Variants in COL4A3 observed in about 807,000 individuals in gnomAD.
COL4A3 encodes the protein collagen type IV alpha 3 chain.
COL4A3 carries 135 observed loss-of-function variants against 217.4 expected under a neutral mutation model. That is an observed-to-expected ratio of 0.62 (90% confidence interval 0.54 to 0.72). The LOEUF is 0.72. Among genes scored for constraint, COL4A3 ranks in the 30% least tolerant of loss-of-function variants. COL4A3 has a pLI of 0.00. For synonymous variants in COL4A3, 690 were observed against 736.3 expected (o/e 0.94, Z 1.02); for missense variants, 1,868 against 2,119.9 (o/e 0.88, Z 2.33).
At chr2:227,243,393 T>G (rs928421281) in intron 3 of COL4A3, among the ~76,000 whole-genome samples, 1 of 152,230 alleles carries the variant, frequency 6.6e-6, no homozygotes, top group Non-Finnish European at 1.5e-5. Context: ...TAATTTTAAA[T>G]GTTTTCTGCA....
At chr2:227,280,410 T>A (rs750053478) in intron 29 of COL4A3, 30 bp from the exon 30 acceptor site, 1 of 1,612,484 alleles carries the variant, frequency 6.2e-7, no homozygotes, top group Non-Finnish European at 8.5e-7. Context: ...GGAAGCACTA[T>A]ATAGTAATAA....
At position 227,307,695 on chromosome 2, in the gene COL4A3, A is replaced by G. The variant is rs1559922062; in HGVS notation, c.4253-15A>G. ...TTTTGTGTATGTTGCAACATTTAGA[A>G]TGTGTTTTTTGAAGGACCAGCTGGA... On this transcript the variant is annotated splice_polypyrimidine_tract_variant and intron_variant, in intron 47 of 51. Transcript: ENST00000396578. 1 of 1,611,520 alleles carries G rather than the reference A, an allele frequency of 6.2e-7. No homozygotes were observed. The highest frequency in any genetic ancestry group is 8.5e-7 in the Non-Finnish European group (1 of 1,177,598).
chr2:227,278,350 CT>C (rs150247927), intron 28 of COL4A3, among the ~76,000 whole-genome samples: 8,886 of 152,108 alleles, frequency 0.058, 654 homozygotes, highest in African/African-American at 0.17. Flanking sequence ...TATGAGTAAC[CT>C]GAGTCCCTGG....
intron 1 of COL4A3, among the ~76,000 whole-genome samples, chr2:227,192,442 C>CCCAG (rs145103614): frequency 0.93 from 140,845 of 152,204 alleles, 65,410 homozygotes; most frequent in East Asian, 1. Flanking sequence ...GAAAACCAAC[C>CCCAG]TTTTCATCTC....
intron 38 of COL4A3, chr2:227,293,639 A>ACAGACTAGGTGAAT: frequency 2.1e-6 from 1 of 469,540 alleles, no homozygotes; most frequent in South Asian, 1.7e-5. Flanking sequence ...CCAGGCTTCC[A>ACAGACTAGGTGAAT]TAGTGAATTC....
At chr2:227,308,870 A>C in intron 48 of COL4A3, 29 bp from the exon 49 acceptor site, 1 of 1,609,290 alleles carries the variant, frequency 6.2e-7, no homozygotes, top group Non-Finnish European at 8.5e-7. Context: ...AACTTACTGA[A>C]AGTGATACTC....
chr2:227,237,840 G>A, intron 1 of COL4A3, 128 bp from the exon 2 acceptor site: 1 of 731,506 alleles, frequency 1.4e-6, no homozygotes, highest in East Asian at 2.7e-5. Flanking sequence ...ATTGCTACAA[G>A]GTCACCTGGC....
At chr2:227,230,387 T>A (rs2068337128) in intron 1 of COL4A3, among the ~76,000 whole-genome samples, 1 of 152,214 alleles carries the variant, frequency 6.6e-6, no homozygotes, top group African/African-American at 2.4e-5. Flanking sequence ...GAGCTTTCTG[T>A]TCATGACAAA....
intron 1 of COL4A3, among the ~76,000 whole-genome samples, chr2:227,194,821 A>C (rs1420826031): frequency 6.6e-6 from 1 of 152,186 alleles, no homozygotes; most frequent in Non-Finnish European, 1.5e-5. Flanking sequence ...TAGCTCTTCT[A>C]ATCAAAGAAA....
chr2:227,251,649 A>T (rs1480415918), intron 11 of COL4A3, among the ~76,000 whole-genome samples: 1 of 152,206 alleles, frequency 6.6e-6, no homozygotes, highest in Admixed American at 6.5e-5. Context: ...ATTTCTGATC[A>T]TCTCACACAG....
chr2:227,263,986 A>G (rs1269638297), intron 21 of COL4A3, 42 bp downstream of exon 21: 1 of 1,612,436 alleles, frequency 6.2e-7, no homozygotes, highest in Non-Finnish European at 8.5e-7. Flanking sequence ...ACAGTGCCAA[A>G]TGACAGATGT....
At chr2:227,294,466 TC>T in intron 38 of COL4A3, 23 bp from the exon 39 acceptor site, 1 of 1,470,160 alleles carries the variant, frequency 6.8e-7, no homozygotes, top group Non-Finnish European at 9.5e-7. Context: ...TCTTTTTTCT[TC>T]CTTCCCCTCT....
In COL4A3 at chr2:227,270,920, G is replaced by A. The variant is rs752539537; in HGVS notation, c.1726G>A (p.Val576Met). 3.1e-6 allele frequency: 5 copies of A among 1,614,148 alleles called. No individual in the cohort carries two copies. The South Asian group carries it at 4.4e-5, about 14-fold the overall frequency. ...GLDGIPGTPG[V>M]KGLPGPKGEL... The stretch of plus-strand genomic sequence containing the variant: ...GGATGGAATTCCTGGAACTCCGGGA[G>A]TGAAAGGATTACCAGGACCTAAAGG... The change falls in exon 25 of 52, where the codon GTG (valine) becomes ATG (methionine). Residue 576 changes from valine (V) to methionine (M), a missense_variant. Val to Met is a conservative substitution (Grantham distance 21). This residue lies in a region of COL4A3 where 1,503 missense variants were observed against 1,786.1 expected (regional missense o/e 0.84). Coordinates refer to ENST00000396578, the MANE Select transcript of COL4A3 (RefSeq NM_000091.5).
In COL4A3 at chr2:227,202,916, C is replaced by CGTGT. The variant is rs1559820031; in HGVS notation, c.88-35052_88-35051insGTGT. 3.7e-4 allele frequency among the ~76,000 whole-genome samples: 6 copies of CGTGT among 16,038 alleles called. 1 individual carries two copies. Among genetic ancestry groups the CGTGT allele is most frequent in the African/African-American group, 7.8e-4 (2 of 2,560 alleles). 10.5% of individuals were successfully genotyped at this position (16,038 alleles called of 152,430 possible). Reference sequence around the variant, plus strand: ...ATATGTGTATATATGTGTATATATACATATATGTGTATATATGTGTATATA... The same window carrying CGTGT: ...ATATGTGTATATATGTGTATATATACGTGTATATATGTGTATATATGTGTATATA... On this transcript the variant is annotated intron_variant, in intron 1 of 51. Transcript: ENST00000396578.
At chr2:227,264,350 C>T (rs920901042) in intron 21 of COL4A3, among the ~76,000 whole-genome samples, 10 of 152,060 alleles carry the variant, frequency 6.6e-5, no homozygotes, top group South Asian at 4.2e-4. Context: ...AGAGAGGAGC[C>T]GCCCCCCACC....
intron 41 of COL4A3, chr2:227,296,547 T>C (rs1559912673): frequency 3.2e-6 from 3 of 952,168 alleles, no homozygotes; most frequent in Non-Finnish European, 3.8e-6. Context: ...TTTTAATTAG[T>C]TTATTCTCCC....
chr2:227,290,973 A>G, intron 37 of COL4A3, 87 bp downstream of exon 37: 1 of 1,461,126 alleles, frequency 6.8e-7, no homozygotes, highest in Non-Finnish European at 9.3e-7. Context: ...CGGTGTGGGC[A>G]GAGAAAATTG....
intron 1 of COL4A3, among the ~76,000 whole-genome samples, chr2:227,177,579 A>G (rs2065724954): frequency 6.6e-6 from 1 of 152,202 alleles, no homozygotes; most frequent in Non-Finnish European, 1.5e-5. Context: ...ATTTAGAAAT[A>G]CGGTAGTCCT....
chr2:227,225,358 G>C (rs2068029881), intron 1 of COL4A3, among the ~76,000 whole-genome samples: 1 of 152,150 alleles, frequency 6.6e-6, no homozygotes, highest in African/African-American at 2.4e-5. Flanking sequence ...TGTGGCACTG[G>C]TGGCAGCTTT....
Sources: allele counts gnomAD v4.1 joint callset (sites outside exome capture counted in the v4.1 genomes callset), GRCh38; gene constraint gnomAD v4.1.1; regional missense constraint gnomAD v4.1.1; transcripts MANE v1.5; gene names NCBI Gene and HGNC (gene_info 2026-07-23, HGNC 2026-07-21).